The following KSR2 variants were observed in gnomAD, a reference collection of about 807,000 sequenced individuals.
KSR2 encodes the protein kinase suppressor of ras 2.
In KSR2, 25 loss-of-function variants were observed where a neutral mutation model predicts 107.8. That is an observed-to-expected ratio of 0.23 (90% CI 0.17 to 0.32). The LOEUF is 0.32. Ranked by LOEUF, KSR2 falls within the 10% of genes least tolerant of loss-of-function variation. KSR2 has a pLI of 1.00. For synonymous variants in KSR2, 480 were observed against 507.0 expected (o/e 0.95, Z 0.71); for missense variants, 887 against 1,268.9 (o/e 0.70, Z 4.57).
intron 4 of KSR2, among the ~76,000 whole-genome samples, chr12:117,725,297 C>G (rs965854095): frequency 6.6e-6 from 1 of 152,184 alleles, no homozygotes; most frequent in Non-Finnish European, 1.5e-5. Flanking sequence ...AGAGGTAAGA[C>G]AGTGTCTTCA....
chr12:117,803,781 A>G (rs562036554), intron 3 of KSR2, among the ~76,000 whole-genome samples: 38 of 152,298 alleles, frequency 2.5e-4, no homozygotes, highest in African/African-American at 7.7e-4. Context: ...CTTTCCGGCC[A>G]TGCATTTAAT....
rs1871178053 is a variant in KSR2, at chr12:117,467,024, G to A, written c.*175C>T. The A allele has an allele frequency of 2.1e-6, 1 of 478,578 alleles. No homozygotes were observed. Among genetic ancestry groups the A allele is most frequent in the Admixed American group, 4.1e-5 (1 of 24,488 alleles). The allele number at this position is 478,578 out of a possible 1,614,324, so 29.6% of individuals were successfully genotyped here. A position where few individuals can be genotyped will look rare whatever the true frequency, so the allele number is the denominator to read the frequency against. ...GTCCCCAACCCTGCCCGAGGAAAAG[G>A]GCTCAAGTCTGAGGTGCAGGGAGGC... On this transcript the variant is annotated 3_prime_UTR_variant, in exon 20 of 20. Coordinates refer to ENST00000339824, the MANE Select transcript of KSR2 (RefSeq NM_173598.6).
chr12:117,955,853 G>A (rs1322577987), intron 1 of KSR2, among the ~76,000 whole-genome samples: 1 of 110,060 alleles, frequency 9.1e-6, no homozygotes, highest in African/African-American at 2.9e-5. Context: ...AGCCTCAGGG[G>A]GTAAAAAAAA....
chr12:117,537,185 C>G (rs1876114110), intron 10 of KSR2, among the ~76,000 whole-genome samples: 1 of 152,134 alleles, frequency 6.6e-6, no homozygotes, highest in South Asian at 2.1e-4. Flanking sequence ...TGCACTCCAG[C>G]CTGGGTGACA....
At chr12:117,713,016 G>T (rs537839393) in intron 4 of KSR2, among the ~76,000 whole-genome samples, 2 of 150,088 alleles carry the variant, frequency 1.3e-5, no homozygotes, top group East Asian at 3.9e-4. Flanking sequence ...TATCTATATA[G>T]AGAGAAATAT....
Position 117,555,120 on chromosome 12 carries a change from C to T in KSR2, c.1518+49G>A. On this transcript the variant is annotated intron_variant, in intron 9 of 19. Coordinates refer to ENST00000339824, the MANE Select transcript of KSR2 (RefSeq NM_173598.6). Reference sequence around the variant, plus strand: ...CCCTTCCTCCCTCCTACCCCTCACCCAGCAGTGCCAGCCCCACATGCCGAG... The same window carrying T: ...CCCTTCCTCCCTCCTACCCCTCACCTAGCAGTGCCAGCCCCACATGCCGAG... 5 of 1,612,124 alleles carry T rather than the reference C, an allele frequency of 3.1e-6. No individual in the cohort carries two copies. The Admixed American group carries it at 8.3e-5, about 27-fold the overall frequency.
chr12:117,555,728 G>A (rs1313600124), intron 8 of KSR2, among the ~76,000 whole-genome samples: 1 of 152,092 alleles, frequency 6.6e-6, no homozygotes, highest in Non-Finnish European at 1.5e-5. Context: ...GCAGCCTGCC[G>A]CACATTGAAA....
chr12:117,679,348 C>A (rs1357852012), intron 4 of KSR2, among the ~76,000 whole-genome samples: 1 of 152,150 alleles, frequency 6.6e-6, no homozygotes, highest in Admixed American at 6.5e-5. Flanking sequence ...AGAGTTATAC[C>A]CATTTCATAG....
chr12:117,636,952 T>TA (rs55981634), intron 5 of KSR2, among the ~76,000 whole-genome samples: 34 of 149,430 alleles, frequency 2.3e-4, no homozygotes, highest in African/African-American at 5.6e-4. Flanking sequence ...TAAAAGTCAA[T>TA]AAAAAAAAAG....
intron 14 of KSR2, among the ~76,000 whole-genome samples, chr12:117,503,190 T>G (rs984880322): frequency 1.3e-5 from 2 of 152,192 alleles, no homozygotes; most frequent in African/African-American, 2.4e-5. Context: ...GTTTTGATAT[T>G]CTTTACCTAT....
At chr12:117,873,441 A>G (rs955771985) in intron 1 of KSR2, among the ~76,000 whole-genome samples, 6 of 144,396 alleles carry the variant, frequency 4.2e-5, no homozygotes, top group Admixed American at 2.1e-4. Context: ...TCATTCGTTC[A>G]TTTAAAGATG....
At chr12:117,825,039 AG>A (rs1186084387) in intron 3 of KSR2, among the ~76,000 whole-genome samples, 1 of 150,868 alleles carries the variant, frequency 6.6e-6, no homozygotes, top group Non-Finnish European at 1.5e-5. Flanking sequence ...AAAATTAGCC[AG>A]GCATAGTGGC....
chr12:117,569,735 C>A (rs79674648), intron 7 of KSR2, among the ~76,000 whole-genome samples: 1,790 of 152,250 alleles, frequency 0.012, 38 homozygotes, highest in African/African-American at 0.041. Flanking sequence ...TGGTTGATCA[C>A]CCCCTTGTAT....
chr12:117,594,972 G>A (rs921420453), intron 5 of KSR2, among the ~76,000 whole-genome samples: 11 of 90,102 alleles, frequency 1.2e-4, no homozygotes, highest in African/African-American at 3.3e-4. Context: ...GGAAATCCCT[G>A]CCCAGAAAGA....
chr12:117,962,241 G>T (rs1419312814), intron 1 of KSR2, among the ~76,000 whole-genome samples: 1 of 149,842 alleles, frequency 6.7e-6, no homozygotes, highest in Non-Finnish European at 1.5e-5. Context: ...TTTTCCCCTT[G>T]CAATTTAACT....
intron 1 of KSR2, among the ~76,000 whole-genome samples, chr12:117,875,862 C>A (rs969815622): frequency 6.6e-6 from 1 of 152,136 alleles, no homozygotes; most frequent in Non-Finnish European, 1.5e-5. Flanking sequence ...CGCCTCCCCC[C>A]CACCACCACC....
intron 3 of KSR2, among the ~76,000 whole-genome samples, chr12:117,769,141 A>C (rs551476214): frequency 6.6e-6 from 1 of 152,210 alleles, no homozygotes; most frequent in Admixed American, 6.5e-5. Context: ...TCTCCCAGAA[A>C]CCCCGGGATC....
In KSR2 at chr12:117,761,414, G is replaced by A. The variant is rs769879825; in HGVS notation, c.583C>T (p.Leu195Phe). ...GACGGGACCCTGGGGCTCTGGGAGA[G>A]ATGGGTGCGGATCCACGGGGTGGGC... ...PEPTPWIRTH[L>F]SQSPRVPSKC... The change falls in exon 4 of 20, where the codon CTC (leucine) becomes TTC (phenylalanine). Residue 195 changes from leucine to phenylalanine, a missense_variant. By Grantham distance (22) the Leu-to-Phe change is conservative. Transcript: ENST00000339824. 1.9e-6 allele frequency: 3 copies of A among 1,609,972 alleles called. No homozygotes were observed. The highest frequency in any genetic ancestry group is 1.7e-5 in the Admixed American group (1 of 58,098).
intron 1 of KSR2, among the ~76,000 whole-genome samples, chr12:117,913,942 C>T (rs1421043794): frequency 6.6e-6 from 1 of 152,204 alleles, no homozygotes; most frequent in African/African-American, 2.4e-5. Flanking sequence ...CAACCTCTCC[C>T]ATGACTTTTC....
Sources: allele counts gnomAD v4.1 joint callset (sites outside exome capture counted in the v4.1 genomes callset), GRCh38; gene constraint gnomAD v4.1.1; transcripts MANE v1.5; gene names NCBI Gene and HGNC (gene_info 2026-07-23, HGNC 2026-07-21).